FOXN2: variants seen among roughly 807,000 people sequenced by gnomAD.
The protein encoded by FOXN2 is forkhead box protein N2.
In FOXN2, 19 loss-of-function variants were observed where a neutral mutation model predicts 41.2. The observed-to-expected ratio is 0.46, with a 90% CI of 0.32 to 0.68. The LOEUF is 0.68. Among genes scored for constraint, FOXN2 ranks in the 30% least tolerant of loss-of-function variants. The probability of loss-of-function intolerance (pLI) is 0.03; values close to 1 mark genes in which losing one functional copy is unlikely to be tolerated. For synonymous variants in FOXN2, 195 were observed against 176.8 expected, an observed-to-expected ratio of 1.10 and a Z score of -0.82; for missense variants, 587 against 509.4, an observed-to-expected ratio of 1.15 and a Z score of -1.47.
At chr2:48,367,455 A>T (rs1249774734) in intron 5 of FOXN2, among the ~76,000 whole-genome samples, 2 of 152,206 alleles carry the variant, frequency 1.3e-5, no homozygotes, top group Non-Finnish European at 2.9e-5. Flanking sequence ...TTTGTGTCTT[A>T]CTGAAATGAA....
Position 48,375,583 on chromosome 2 carries a change from T to A in FOXN2, c.*140T>A, listed in dbSNP as rs550013729. 1.2e-6 allele frequency: 1 copy of A among 821,526 alleles called. No individual in the cohort carries two copies. Among genetic ancestry groups the A allele is most frequent in the East Asian group, 2.7e-5 (1 of 37,198 alleles). The allele number at this position is 821,526 out of a possible 1,614,324, so 50.9% of individuals were successfully genotyped here. A position where few individuals can be genotyped will look rare whatever the true frequency, so the allele number is the denominator to read the frequency against. On this transcript the variant is annotated 3_prime_UTR_variant, in exon 7 of 7. Coordinates refer to ENST00000340553, the MANE Select transcript of FOXN2 (RefSeq NM_002158.4). ...TCAAAACATTTTTGGTTTTTGGTTTTTAAAATTTTTATTAAACAATTGCTG... is the reference window on the plus strand; with the variant it reads ...TCAAAACATTTTTGGTTTTTGGTTTATAAAATTTTTATTAAACAATTGCTG...
intron 5 of FOXN2, among the ~76,000 whole-genome samples, chr2:48,370,451 C>T (rs1229442167): frequency 6.6e-6 from 1 of 152,204 alleles, no homozygotes; most frequent in Non-Finnish European, 1.5e-5. Context: ...CATTCTTTCT[C>T]TCCCTGAGGT....
intron 4 of FOXN2, among the ~76,000 whole-genome samples, chr2:48,360,545 C>T (rs1275988685): frequency 6.6e-6 from 1 of 152,090 alleles, no homozygotes; most frequent in East Asian, 1.9e-4. Flanking sequence ...TATATTCACT[C>T]ACTGAGATTT....
chr2:48,372,903 T>C (rs939367530), intron 5 of FOXN2, among the ~76,000 whole-genome samples: 2 of 149,062 alleles, frequency 1.3e-5, no homozygotes, highest in Non-Finnish European at 3.0e-5. Context: ...TAGGTAATGA[T>C]AGTATTCAAG....
chr2:48,374,952 C>T lies in FOXN2; in HGVS notation c.805C>T (p.Gln269Ter). ...EKPLPLKTALQKKRSYGNAFH... is the reference protein window; with the variant it reads ...EKPLPLKTAL ...GCCTCTTCCTCTTAAAACAGCATTG[C>T]AAAAAAAGAGGAGTTACGGCAATGC... is the stretch of plus-strand genomic sequence containing the variant. Residue 269 changes from glutamine (Q) to a stop codon, truncating the protein, a stop_gained, in exon 7 of 7, where the codon CAA (glutamine) becomes TAA (stop). Transcript: ENST00000340553. LOFTEE classifies it high-confidence loss of function. 1.9e-6 allele frequency: 3 copies of T among 1,612,488 alleles called. No individual in the cohort carries two copies. The highest frequency in any genetic ancestry group is 2.5e-6 in the Non-Finnish European group (3 of 1,179,040).
At chr2:48,367,024 A>G (rs575932150) in intron 5 of FOXN2, among the ~76,000 whole-genome samples, 1 of 152,314 alleles carries the variant, frequency 6.6e-6, no homozygotes, top group Non-Finnish European at 1.5e-5. Context: ...ACGGAAAACT[A>G]AAGGGAGAGA....
intron 1 of FOXN2, among the ~76,000 whole-genome samples, chr2:48,321,688 A>G (rs1669332421): frequency 6.6e-6 from 1 of 151,926 alleles, no homozygotes; most frequent in African/African-American, 2.4e-5. Context: ...TTATGTGGTA[A>G]GGGTAAAAGT....
intron 5 of FOXN2, among the ~76,000 whole-genome samples, chr2:48,371,328 T>C (rs1672881602): frequency 6.6e-6 from 1 of 151,980 alleles, no homozygotes; most frequent in African/African-American, 2.4e-5. Flanking sequence ...ACCTGGGAGA[T>C]GGAGGTTGCA....
At position 48,356,775 on chromosome 2, in the gene FOXN2, C is replaced by T. The variant is rs557408415; in HGVS notation, c.538-2272C>T. Among the ~76,000 whole-genome samples, 6 of 152,196 alleles carry T rather than the reference C, an allele frequency of 3.9e-5. No individual in the cohort carries two copies. In the South Asian group the frequency reaches 1.2e-3, roughly 32 times the overall value. ...CCTTTTCTCCCAATCTAGTCTTTACCACTTCTGTTAAGACAATTCTTTTTA... is the reference window on the plus strand; with the variant it reads ...CCTTTTCTCCCAATCTAGTCTTTACTACTTCTGTTAAGACAATTCTTTTTA... On this transcript the variant is annotated intron_variant, in intron 3 of 6. Transcript: ENST00000340553.
At chr2:48,317,057 A>G (rs935234079) in intron 1 of FOXN2, among the ~76,000 whole-genome samples, 1 of 152,196 alleles carries the variant, frequency 6.6e-6, no homozygotes, top group Non-Finnish European at 1.5e-5. Context: ...TTGAGAAAGA[A>G]AAGTAAATGA....
chr2:48,368,241 G>C (rs1029311500), intron 5 of FOXN2, among the ~76,000 whole-genome samples: 2 of 148,914 alleles, frequency 1.3e-5, no homozygotes, highest in African/African-American at 4.9e-5. Flanking sequence ...GGATATGTTA[G>C]ATAATACAGC....
At chr2:48,359,996 A>G (rs190577363) in intron 4 of FOXN2, among the ~76,000 whole-genome samples, 1 of 152,062 alleles carries the variant, frequency 6.6e-6, no homozygotes, top group African/African-American at 2.4e-5. Flanking sequence ...CAAGTCTAAA[A>G]TTTTTAAATG....
chr2:48,351,981 C>T (rs562640245), intron 3 of FOXN2, among the ~76,000 whole-genome samples: 7 of 152,132 alleles, frequency 4.6e-5, no homozygotes, highest in African/African-American at 1.4e-4. Flanking sequence ...GAGGAATGTA[C>T]GAGAGCAGGG....
intron 1 of FOXN2, among the ~76,000 whole-genome samples, chr2:48,327,158 A>T (rs1669730967): frequency 6.6e-6 from 1 of 151,936 alleles, no homozygotes; most frequent in Non-Finnish European, 1.5e-5. Flanking sequence ...TATCTCACAA[A>T]TGTCTCAAAT....
intron 1 of FOXN2, among the ~76,000 whole-genome samples, chr2:48,319,616 C>CT (rs35143943): frequency 0.11 from 15,202 of 133,852 alleles, 1,057 homozygotes; most frequent in African/African-American, 0.16. Flanking sequence ...TATTTAAATT[C>CT]TTTTTTTTTT....
intron 3 of FOXN2, among the ~76,000 whole-genome samples, chr2:48,357,211 T>C (rs989583884): frequency 2.0e-5 from 3 of 152,206 alleles, no homozygotes; most frequent in African/African-American, 4.8e-5. Flanking sequence ...TTAACTGCCC[T>C]GAAACTGCAC....
At chr2:48,335,344 T>C (rs1000471779) in intron 2 of FOXN2, among the ~76,000 whole-genome samples, 5 of 152,078 alleles carry the variant, frequency 3.3e-5, no homozygotes, top group Non-Finnish European at 7.4e-5. Flanking sequence ...TGTTGAAAAG[T>C]TAGCATAATG....
chr2:48,336,481 GC>G (rs1292089662), intron 2 of FOXN2, among the ~76,000 whole-genome samples: 3 of 150,662 alleles, frequency 2.0e-5, no homozygotes, highest in African/African-American at 4.9e-5. Context: ...TTATTTACGA[GC>G]AGACTAAAGA....
rs187400903 is a variant in FOXN2 at position 48,338,840 on chromosome 2, A to G, written c.-14-7361A>G. On this transcript the variant is annotated intron_variant, in intron 2 of 6. Transcript: ENST00000340553. ...AAAATTATAAAACAAACTGTAGACC[A>G]TAAAGAAAAGGGTTAATAAATTCTA... Among the ~76,000 whole-genome samples the G allele has an allele frequency of 6.4e-4, 97 of 152,354 alleles. No individual in the cohort carries two copies. In the East Asian group the frequency reaches 6.7e-3, roughly 11 times the overall value.
Sources: gnomAD v4.1 joint callset for allele counts (sites outside exome capture counted in the v4.1 genomes callset) on GRCh38, gnomAD v4.1.1 for gene constraint, MANE v1.5 for transcripts, NCBI Gene and HGNC (gene_info 2026-07-23, HGNC 2026-07-21) for gene names.